NSMCE2: variants seen among roughly 807,000 people sequenced by gnomAD.
The protein encoded by NSMCE2 is NSE2 SUMO ligase component of SMC5/6 complex.
In NSMCE2, 24 loss-of-function variants were observed where a neutral mutation model predicts 23.8. The ratio of observed to expected loss-of-function variants is 1.01; its 90% confidence interval spans 0.73 to 1.42. The LOEUF is 1.42. NSMCE2 is among the 40% of genes most tolerant of loss of function. The pLI is 0.00. For missense variants in NSMCE2, 284 were observed against 296.5 expected, an observed-to-expected ratio of 0.96 and a Z score of 0.31; for synonymous variants, 92 against 94.1, an observed-to-expected ratio of 0.98 and a Z score of 0.13.
At chr8:125,209,875 C>T (rs1406369263) in intron 5 of NSMCE2, among the ~76,000 whole-genome samples, 1 of 152,184 alleles carries the variant, frequency 6.6e-6, no homozygotes, top group South Asian at 2.1e-4. Context: ...ACTATATGTT[C>T]GGTCCAAAGA....
intron 4 of NSMCE2, among the ~76,000 whole-genome samples, chr8:125,152,037 A>C (rs1821062176): frequency 6.6e-6 from 1 of 152,244 alleles, no homozygotes; most frequent in Non-Finnish European, 1.5e-5. Context: ...AATATTTTAC[A>C]AGATCAGTGA....
At chr8:125,236,272 T>C (rs182131630) in intron 5 of NSMCE2, among the ~76,000 whole-genome samples, 153 of 152,262 alleles carry the variant, frequency 1.0e-3, no homozygotes, top group Admixed American at 1.8e-3. Context: ...GGATAATTAT[T>C]TTCTAAATTT....
intron 5 of NSMCE2, among the ~76,000 whole-genome samples, chr8:125,282,637 G>GT (rs1354074348): frequency 6.6e-6 from 1 of 152,212 alleles, no homozygotes; most frequent in Non-Finnish European, 1.5e-5. Context: ...ACTTCAGACT[G>GT]TGTCAATGAA....
Position 125,363,018 on chromosome 8 carries a change from A to G in NSMCE2, c.627-3750A>G, listed in dbSNP as rs560661893. 9.8e-5 allele frequency: 15 copies of G among 152,390 alleles called. 1 individual carries two copies. The South Asian group carries it at 1.2e-3, about 13-fold the overall frequency. 9.4% of individuals were successfully genotyped at this position (152,390 alleles called of 1,614,324 possible). On this transcript the variant is annotated intron_variant, in intron 7 of 7. Transcript: ENST00000287437. ...ATGAAAGTTAAGGCCTTTGCTGGGTAGAATGGAAGAGACCAAGGCCAGGCA... is the reference window on the plus strand; with the variant it reads ...ATGAAAGTTAAGGCCTTTGCTGGGTGGAATGGAAGAGACCAAGGCCAGGCA...
chr8:125,231,529 C>G (rs1206720603), intron 5 of NSMCE2, among the ~76,000 whole-genome samples: 1 of 152,174 alleles, frequency 6.6e-6, no homozygotes, highest in Non-Finnish European at 1.5e-5. Flanking sequence ...TGTGTTACAA[C>G]AGAACTCTGG....
intron 4 of NSMCE2, among the ~76,000 whole-genome samples, chr8:125,154,747 A>T (rs1444024761): frequency 6.6e-6 from 1 of 152,188 alleles, no homozygotes; most frequent in Non-Finnish European, 1.5e-5. Flanking sequence ...GTGTTTTTAG[A>T]GCTATAAGAC....
chr8:125,351,326 C>T (rs893235812), intron 5 of NSMCE2: 1 of 151,966 alleles, frequency 6.6e-6, no homozygotes, highest in African/African-American at 2.4e-5. Flanking sequence ...AGGGTTTCTC[C>T]TTCCTTTTGG....
intron 5 of NSMCE2, among the ~76,000 whole-genome samples, chr8:125,334,293 G>A (rs1316075070): frequency 6.6e-6 from 1 of 152,164 alleles, no homozygotes; most frequent in African/African-American, 2.4e-5. Flanking sequence ...CATGCGTTAA[G>A]TACTATCTGT....
chr8:125,258,169 T>G (rs1231078159), intron 5 of NSMCE2, among the ~76,000 whole-genome samples: 2 of 152,128 alleles, frequency 1.3e-5, no homozygotes, highest in Non-Finnish European at 2.9e-5. Context: ...GGGCAGGAGA[T>G]TGAAGATTAA....
At chr8:125,168,439 TG>T (rs1822006827) in intron 4 of NSMCE2, among the ~76,000 whole-genome samples, 1 of 152,222 alleles carries the variant, frequency 6.6e-6, no homozygotes, top group Non-Finnish European at 1.5e-5. Context: ...CCTACTGTAA[TG>T]GAATACCATA....
intron 4 of NSMCE2, among the ~76,000 whole-genome samples, chr8:125,171,440 C>A (rs778318678): frequency 3.9e-5 from 6 of 152,170 alleles, no homozygotes; most frequent in Non-Finnish European, 7.3e-5. Flanking sequence ...CTCTTCAACC[C>A]CTTGTAATTA....
At chr8:125,296,018 C>T (rs929563226) in intron 5 of NSMCE2, among the ~76,000 whole-genome samples, 2 of 152,084 alleles carry the variant, frequency 1.3e-5, no homozygotes, top group African/African-American at 4.8e-5. Flanking sequence ...TTACAGCTTA[C>T]AGCTTAGATT....
intron 4 of NSMCE2, among the ~76,000 whole-genome samples, chr8:125,178,813 T>C (rs1822631552): frequency 6.6e-6 from 1 of 151,990 alleles, no homozygotes; most frequent in Non-Finnish European, 1.5e-5. Context: ...GAGCTTGCAG[T>C]GAGCCGAGAT....
intron 3 of NSMCE2, among the ~76,000 whole-genome samples, chr8:125,110,306 G>A (rs1818665859): frequency 1.3e-5 from 2 of 152,210 alleles, no homozygotes; most frequent in Admixed American, 1.3e-4. Context: ...ACATTTAGAA[G>A]TAAAGGATTA....
intron 3 of NSMCE2, among the ~76,000 whole-genome samples, chr8:125,117,362 C>G (rs1337153694): frequency 6.6e-6 from 1 of 152,034 alleles, no homozygotes; most frequent in African/African-American, 2.4e-5. Flanking sequence ...GCTAGGATTA[C>G]AGGCGTGAGC....
chr8:125,208,656 G>A (rs1824208362), intron 5 of NSMCE2, among the ~76,000 whole-genome samples: 1 of 152,204 alleles, frequency 6.6e-6, no homozygotes. Context: ...CAGCGTAAGT[G>A]TTTCATACAA....
At chr8:125,095,740 C>T (rs748136453) in intron 1 of NSMCE2, among the ~76,000 whole-genome samples, 1 of 151,898 alleles carries the variant, frequency 6.6e-6, no homozygotes, top group Non-Finnish European at 1.5e-5. Flanking sequence ...ACTAAAAATA[C>T]AAAAATTAGC....
chr8:125,285,926 A>C (rs1397637965), intron 5 of NSMCE2, among the ~76,000 whole-genome samples: 1 of 152,022 alleles, frequency 6.6e-6, no homozygotes, highest in Non-Finnish European at 1.5e-5. Context: ...CCAGGATTTG[A>C]ATTCAGGTTT....
At chr8:125,247,724 C>CA (rs35494894) in intron 5 of NSMCE2, among the ~76,000 whole-genome samples, 3,403 of 112,868 alleles carry the variant, frequency 0.03, 78 homozygotes, top group African/African-American at 0.078. Context: ...AATTCTGTCT[C>CA]AAAAAAAAAA....
Sources: gnomAD v4.1 joint callset for allele counts (sites outside exome capture counted in the v4.1 genomes callset) on GRCh38, gnomAD v4.1.1 for gene constraint, MANE v1.5 for transcripts, NCBI Gene and HGNC (gene_info 2026-07-23, HGNC 2026-07-21) for gene names.